The following NREP variants were observed in gnomAD, a reference collection of about 807,000 sequenced individuals.
The protein encoded by NREP is neuronal regeneration related protein.
A neutral mutation model predicts 8.6 loss-of-function variants in NREP; 5 were observed. That is an observed-to-expected ratio of 0.58 (90% CI 0.30 to 1.22). The LOEUF is 1.22. Ranked by LOEUF, NREP falls within the 50% of genes most tolerant of loss-of-function variation. The probability of loss-of-function intolerance (pLI) is 0.07; values close to 1 mark genes in which losing one functional copy is unlikely to be tolerated. For synonymous variants in NREP, 27 were observed against 28.0 expected (o/e 0.96, Z 0.11); for missense variants, 86 against 82.5 (o/e 1.04, Z -0.17).
At chr5:111,971,980 T>C (rs1479153161) in intron 2 of NREP, among the ~76,000 whole-genome samples, 2 of 152,022 alleles carry the variant, frequency 1.3e-5, no homozygotes, top group Non-Finnish European at 2.9e-5. Context: ...AGAAAACATT[T>C]GCAAACCATA....
intron 2 of NREP, among the ~76,000 whole-genome samples, chr5:111,840,091 C>T (rs1377078231): frequency 6.6e-6 from 1 of 151,926 alleles, no homozygotes; most frequent in African/African-American, 2.4e-5. Context: ...AGTTATTTAG[C>T]GATTTAGGTA....
At chr5:111,801,278 AT>A (rs1317948416) in intron 2 of NREP, among the ~76,000 whole-genome samples, 2 of 152,214 alleles carry the variant, frequency 1.3e-5, no homozygotes, top group African/African-American at 2.4e-5. Flanking sequence ...TCTAAGTTGT[AT>A]TTACCCTTAC....
upstream of NREP, chr5:111,758,304 G>A (rs1750863326): frequency 2.6e-5 from 25 of 972,770 alleles, no homozygotes; most frequent in Non-Finnish European, 2.9e-5. Context: ...TACTCCCCTG[G>A]TGCTTCCTTC....
At chr5:111,918,181 C>T (rs936133497) in intron 2 of NREP, among the ~76,000 whole-genome samples, 2 of 152,110 alleles carry the variant, frequency 1.3e-5, no homozygotes, top group African/African-American at 2.4e-5. Flanking sequence ...AGGAGAACTA[C>T]AAACCACTGC....
intron 2 of NREP, among the ~76,000 whole-genome samples, chr5:111,953,985 G>C (rs1442783220): frequency 6.6e-6 from 1 of 152,142 alleles, no homozygotes; most frequent in African/African-American, 2.4e-5. Context: ...TAGGGCCAGA[G>C]AGTAAGGTAT....
chr5:111,849,711 A>G (rs1753263380), intron 2 of NREP, among the ~76,000 whole-genome samples: 1 of 151,980 alleles, frequency 6.6e-6, no homozygotes, highest in African/African-American at 2.4e-5. Flanking sequence ...TATAGTAAGA[A>G]GTTGAAATTC....
intron 2 of NREP, among the ~76,000 whole-genome samples, chr5:111,821,118 T>C (rs1181344434): frequency 6.6e-6 from 1 of 152,192 alleles, no homozygotes; most frequent in Non-Finnish European, 1.5e-5. Flanking sequence ...ATGTTAGCCT[T>C]AGACCCAGGG....
intron 2 of NREP, among the ~76,000 whole-genome samples, chr5:111,780,521 T>C (rs538701025): frequency 6.6e-6 from 1 of 152,244 alleles, no homozygotes; most frequent in Non-Finnish European, 1.5e-5. Context: ...GCTGCAAACA[T>C]CAGTCAAGTC....
chr5:111,743,374 C>G (rs1042688712), intron 2 of NREP, among the ~76,000 whole-genome samples: 2 of 152,004 alleles, frequency 1.3e-5, no homozygotes, highest in Non-Finnish European at 2.9e-5. Flanking sequence ...TATATTAATT[C>G]AAGAAATATG....
chr5:111,885,058 T>C (rs934464392), intron 2 of NREP, among the ~76,000 whole-genome samples: 5 of 152,196 alleles, frequency 3.3e-5, no homozygotes, highest in African/African-American at 1.2e-4. Flanking sequence ...GATGACATGA[T>C]TGTATACCTA....
intron 2 of NREP, among the ~76,000 whole-genome samples, chr5:111,791,431 A>G (rs1751744341): frequency 6.6e-6 from 1 of 151,984 alleles, no homozygotes; most frequent in Non-Finnish European, 1.5e-5. Flanking sequence ...ATTTTTTTTT[A>G]GATTTTGACA....
At chr5:111,951,033 A>T (rs1308191795) in intron 2 of NREP, among the ~76,000 whole-genome samples, 1 of 152,084 alleles carries the variant, frequency 6.6e-6, no homozygotes, top group Non-Finnish European at 1.5e-5. Context: ...TGTCTTTCCC[A>T]CAGATGTCTT....
intron 2 of NREP, among the ~76,000 whole-genome samples, chr5:111,874,135 G>T (rs1753852137): frequency 1.3e-5 from 2 of 152,030 alleles, no homozygotes; most frequent in Admixed American, 6.6e-5. Context: ...GTTCATTGGG[G>T]TATCCAATGA....
At chr5:111,952,858 A>C (rs1756201715) in intron 2 of NREP, among the ~76,000 whole-genome samples, 1 of 152,156 alleles carries the variant, frequency 6.6e-6, no homozygotes, top group Non-Finnish European at 1.5e-5. Context: ...CTTACAAAAC[A>C]GATATATAAA....
At chr5:111,845,527 A>G (rs544760276) in intron 2 of NREP, among the ~76,000 whole-genome samples, 2 of 152,194 alleles carry the variant, frequency 1.3e-5, no homozygotes, top group Non-Finnish European at 2.9e-5. Flanking sequence ...TTTGTACACA[A>G]TTATTAACAG....
upstream of NREP, among the ~76,000 whole-genome samples, chr5:111,762,498 G>A (rs1750983713): frequency 6.6e-6 from 1 of 150,692 alleles, no homozygotes; most frequent in Non-Finnish European, 1.5e-5. Flanking sequence ...TGAACTCTCA[G>A]TACCTCAGAA....
intron 2 of NREP, among the ~76,000 whole-genome samples, chr5:111,870,522 CA>C (rs1753765582): frequency 6.6e-6 from 1 of 152,132 alleles, no homozygotes; most frequent in Admixed American, 6.5e-5. Flanking sequence ...AAATTGATTT[CA>C]TTGGTAAAAT....
chr5:111,765,620 C>A (rs573452259), intron 2 of NREP, among the ~76,000 whole-genome samples: 1 of 152,184 alleles, frequency 6.6e-6, no homozygotes, highest in Non-Finnish European at 1.5e-5. Context: ...GGATGTGAAC[C>A]CAAGAAGTTT....
intron 2 of NREP, among the ~76,000 whole-genome samples, chr5:111,857,842 G>A (rs1275017018): frequency 6.6e-6 from 1 of 152,060 alleles, no homozygotes; most frequent in African/African-American, 2.4e-5. Context: ...TGGCAGCAGA[G>A]AGAAAATGAG....
Sources: allele counts gnomAD v4.1 joint callset (sites outside exome capture counted in the v4.1 genomes callset), GRCh38; gene constraint gnomAD v4.1.1; transcripts MANE v1.5; gene names NCBI Gene and HGNC (gene_info 2026-07-23, HGNC 2026-07-21).